HIVEP2: variants seen among roughly 807,000 people sequenced by gnomAD.
The protein encoded by HIVEP2 is transcription factor HIVEP2.
In HIVEP2, 14 loss-of-function variants were observed where a neutral mutation model predicts 180.7. The ratio of observed to expected loss-of-function variants is 0.08; its 90% CI spans 0.05 to 0.12. The LOEUF (loss-of-function observed/expected upper bound fraction) is 0.12. Ranked by LOEUF, HIVEP2 falls within the 10% of genes least tolerant of loss-of-function variation. HIVEP2 has a pLI of 1.00. For synonymous variants in HIVEP2, 1,184 were observed against 1,136.4 expected, an observed-to-expected ratio of 1.04 and a Z score of -0.84; for missense variants, 2,579 against 3,008.5, an observed-to-expected ratio of 0.86 and a Z score of 3.34.
chr6:142,763,793 C>T (rs1309793070), intron 7 of HIVEP2, among the ~76,000 whole-genome samples: 1 of 152,178 alleles, frequency 6.6e-6, no homozygotes, highest in Non-Finnish European at 1.5e-5. Context: ...CAAATGAACA[C>T]ATACTTTTTT....
At chr6:142,813,715 A>G (rs1776756844) in intron 2 of HIVEP2, among the ~76,000 whole-genome samples, 1 of 151,578 alleles carries the variant, frequency 6.6e-6, no homozygotes, top group African/African-American at 2.4e-5. Flanking sequence ...AGCTGGGACT[A>G]TAGGTACATG....
In HIVEP2 at chr6:142,769,492, G is replaced by A. The variant is rs937437079; in HGVS notation, c.5187+60C>T. The stretch of plus-strand genomic sequence containing the variant: ...TTTTAGGCCTTATATCCTTCACTAT[G>A]TAGTCTGCTCAGCAATCAAATCCAC... On this transcript the variant is annotated intron_variant, in intron 5 of 9. Coordinates refer to ENST00000367603, the MANE Select transcript of HIVEP2 (RefSeq NM_006734.4). The A allele has an allele frequency of 3.6e-6, 5 of 1,407,764 alleles. No homozygotes were observed. The Admixed American group carries it at 7.2e-5, about 20-fold the overall frequency. 87.2% of individuals were successfully genotyped at this position (1,407,764 alleles called of 1,614,324 possible).
At chr6:142,798,004 G>C (rs1172469249) in intron 2 of HIVEP2, among the ~76,000 whole-genome samples, 1 of 152,040 alleles carries the variant, frequency 6.6e-6, no homozygotes, top group Non-Finnish European at 1.5e-5. Context: ...TGGGCTTCTA[G>C]GTAACAGTAG....
At chr6:142,817,164 G>C (rs532254654) in intron 2 of HIVEP2, among the ~76,000 whole-genome samples, 1 of 152,214 alleles carries the variant, frequency 6.6e-6, no homozygotes. Context: ...CTGAGTCTCA[G>C]AGATTAGGTC....
intron 1 of HIVEP2, among the ~76,000 whole-genome samples, chr6:142,914,897 A>C (rs1777511267): frequency 6.6e-6 from 1 of 152,062 alleles, no homozygotes; most frequent in African/African-American, 2.4e-5. Context: ...TTTCTACCTC[A>C]ACTTTCCACA....
At chr6:142,836,357 A>C (rs1219014257) in intron 2 of HIVEP2, among the ~76,000 whole-genome samples, 1 of 152,118 alleles carries the variant, frequency 6.6e-6, no homozygotes, top group Non-Finnish European at 1.5e-5. Flanking sequence ...CAGCACCAAT[A>C]ATTTGCTAAA....
chr6:142,893,419 T>C (rs2128421876), intron 1 of HIVEP2, among the ~76,000 whole-genome samples: 1 of 152,260 alleles, frequency 6.6e-6, no homozygotes, highest in South Asian at 2.1e-4. Context: ...TAATCTATAA[T>C]CATAAGAAAA....
chr6:142,773,059 C>G lies in HIVEP2; in HGVS notation c.1680G>C (p.Leu560Phe), dbSNP rs772497565. The change falls in exon 5 of 10, where the codon TTG (leucine) becomes TTC (phenylalanine). Residue 560 changes from leucine (L) to phenylalanine (F), a missense_variant. Leu to Phe is a conservative substitution (Grantham distance 22). This residue lies in a region of HIVEP2 where 524 missense variants were observed against 563.6 expected (regional missense o/e 0.93). Coordinates refer to ENST00000367603, the MANE Select transcript of HIVEP2 (RefSeq NM_006734.4). ...TTTCATCAAATGAGTGACTTCCTCT[C>G]AAAGAAGGAGGAATAGTTAGATTAG... ...SATNLTIPPS[L>F]RGSHSFDERM... is the part of the protein sequence containing the mutation. 1 of 1,614,070 alleles carries G rather than the reference C, an allele frequency of 6.2e-7. No individual in the cohort carries two copies. The highest frequency in any genetic ancestry group is 1.7e-5 in the Admixed American group (1 of 60,006).
intron 1 of HIVEP2, among the ~76,000 whole-genome samples, chr6:142,891,864 C>T (rs1582945649): frequency 6.6e-6 from 1 of 152,212 alleles, no homozygotes; most frequent in Non-Finnish European, 1.5e-5. Flanking sequence ...TGTTTCTCCA[C>T]AATCGAAAAA....
At chr6:142,796,075 T>TG (rs5880547) in intron 2 of HIVEP2, among the ~76,000 whole-genome samples, 118,656 of 151,786 alleles carry the variant, frequency 0.78, 46,921 homozygotes, top group Non-Finnish European at 0.85. Context: ...GTAGTAGATA[T>TG]ATTGCTGTTG....
intron 1 of HIVEP2, among the ~76,000 whole-genome samples, chr6:142,926,638 C>T (rs548744539): frequency 0.01 from 1,574 of 152,322 alleles, 24 homozygotes; most frequent in Middle Eastern, 0.027. Flanking sequence ...GACTGGGCGT[C>T]CTCTGAGTCA....
chr6:142,816,713 A>C (rs1297762752), intron 2 of HIVEP2, among the ~76,000 whole-genome samples: 3 of 152,240 alleles, frequency 2.0e-5, no homozygotes, highest in Non-Finnish European at 4.4e-5. Flanking sequence ...ATCTTAATGC[A>C]CAAGGCTCTA....
At chr6:142,779,486 G>A (rs1205697141) in intron 3 of HIVEP2, 1 of 152,290 alleles carries the variant, frequency 6.6e-6, no homozygotes, top group African/African-American at 2.4e-5. Context: ...TGGGTATGGT[G>A]GCGTGTACCT....
rs1281162031 is a variant in HIVEP2 at position 142,943,203 on chromosome 6, A to G, written c.-641+1896T>C. ...GATAAACCATTTGGCCTATATCCTA[A>G]AAATCAAACCCAATCTACTCATTCC... On this transcript the variant is annotated intron_variant, in intron 1 of 9. Transcript: ENST00000367603. The surrounding 1 kb of genome is among the most constrained non-coding windows in gnomAD (Gnocchi z 4.5). Among the ~76,000 whole-genome samples the G allele has an allele frequency of 6.6e-6, 1 of 152,170 alleles. No individual in the cohort carries two copies. The highest frequency in any genetic ancestry group is 2.4e-5 in the African/African-American group (1 of 41,440).
At chr6:142,818,781 GAAAGAAAGAAAAAGA>G (rs1776940098) in intron 2 of HIVEP2, among the ~76,000 whole-genome samples, 11 of 132,100 alleles carry the variant, frequency 8.3e-5, no homozygotes, top group Middle Eastern at 3.8e-3. Flanking sequence ...AAGAAAGAAA[GAAAGAAAGAAAAAGA>G]AAAGAAAAAG....
intron 1 of HIVEP2, among the ~76,000 whole-genome samples, chr6:142,872,503 T>C (rs1035006486): frequency 2.0e-5 from 3 of 152,182 alleles, no homozygotes; most frequent in Non-Finnish European, 4.4e-5. Context: ...CTTTTTCTGC[T>C]CCAGCAAATG....
chr6:142,758,867 G>C (rs1775145995), intron 9 of HIVEP2, among the ~76,000 whole-genome samples: 1 of 152,094 alleles, frequency 6.6e-6, no homozygotes, highest in African/African-American at 2.4e-5. Context: ...AAGTGCACTT[G>C]ATAGTAGTAA....
At chr6:142,907,102 T>A (rs1046383052) in intron 1 of HIVEP2, among the ~76,000 whole-genome samples, 1 of 152,194 alleles carries the variant, frequency 6.6e-6, no homozygotes, top group African/African-American at 2.4e-5. Context: ...AATGAAACTG[T>A]GAATGGTCCG....
rs1447643837 is a variant in HIVEP2, at chr6:142,771,794, G to A, written c.2945C>T (p.Ser982Phe). ...NLSHSSSFSM[S>F]FEREETSKLS... ...CTTACTGGTTTCTTCTCTTTCAAAA[G>A]ACATGGAGAAACTGGAGCTGTGGGA... Residue 982 changes from serine (S) to phenylalanine (F), a missense_variant, in exon 5 of 10, where the codon TCT becomes TTT. Ser to Phe is a radical substitution (Grantham distance 155). Coordinates refer to ENST00000367603, the MANE Select transcript of HIVEP2 (RefSeq NM_006734.4). This position sits in a 1 kb window ranked among gnomAD's most constrained non-coding sequence, Gnocchi z 5.4. The A allele has an allele frequency of 1.1e-5, 18 of 1,614,110 alleles. No individual in the cohort carries two copies. Among genetic ancestry groups the A allele is most frequent in the Non-Finnish European group, 1.4e-5 (16 of 1,180,054 alleles).
Sources: allele counts gnomAD v4.1 joint callset (sites outside exome capture counted in the v4.1 genomes callset), GRCh38; gene constraint gnomAD v4.1.1; regional missense constraint gnomAD v4.1.1; non-coding constraint Gnocchi (gnomAD v3.1); transcripts MANE v1.5; gene names NCBI Gene and HGNC (gene_info 2026-07-23, HGNC 2026-07-21).